IL1RAPL1: variants seen among roughly 807,000 people sequenced by gnomAD.
IL1RAPL1 encodes interleukin 1 receptor accessory protein like 1, also known as interleukin-1 receptor accessory protein-like 1.
Under a neutral mutation model 48.4 loss-of-function variants are expected in IL1RAPL1, and 3 were observed. The observed-to-expected ratio is 0.06, with a 90% CI of 0.03 to 0.16. The LOEUF (loss-of-function observed/expected upper bound fraction) is 0.16, where lower values mean the gene tolerates loss of function less well. Among genes scored for constraint, IL1RAPL1 ranks in the 10% least tolerant of loss-of-function variants. The pLI, the probability that IL1RAPL1 is intolerant of heterozygous loss-of-function variation, is 1.00. For missense variants in IL1RAPL1, 349 were observed against 530.6 expected (o/e 0.66, Z 3.36); for synonymous variants, 185 against 187.7 (o/e 0.99, Z 0.12).
intron 5 of IL1RAPL1, among the ~76,000 whole-genome samples, chrX:29,624,681 CA>C (rs760717696): frequency 0.046 from 3,733 of 81,847 alleles, 138 homozygotes; most frequent in African/African-American, 0.13. Flanking sequence ...ACAAAAAATA[CA>C]AAAAAAAAAA....
At chrX:28,978,874 A>C (rs752051546) in intron 2 of IL1RAPL1, among the ~76,000 whole-genome samples, 5 of 112,104 alleles carry the variant, frequency 4.5e-5, no homozygotes, top group Non-Finnish European at 9.4e-5. Context: ...AAGTGATGCC[A>C]CGAAGGGCAT....
chrX:29,232,881 C>T (rs1931226148), intron 2 of IL1RAPL1, among the ~76,000 whole-genome samples: 1 of 110,709 alleles, frequency 9.0e-6, no homozygotes, highest in Non-Finnish European at 1.9e-5. Flanking sequence ...TCACTGCAAC[C>T]TCCACCTCCT....
intron 5 of IL1RAPL1, among the ~76,000 whole-genome samples, chrX:29,453,496 C>T (rs1186354985): frequency 9.0e-6 from 1 of 111,226 alleles, no homozygotes; most frequent in Non-Finnish European, 1.9e-5. Context: ...AAGAGAACAG[C>T]CATTACCAAT....
intron 3 of IL1RAPL1, among the ~76,000 whole-genome samples, chrX:29,305,327 A>G (rs1003530388): frequency 2.7e-5 from 3 of 111,904 alleles, no homozygotes; most frequent in African/African-American, 9.7e-5. Context: ...GAGAAAATGT[A>G]ACTTTGTTAT....
At chrX:29,444,336 T>C (rs1934586129) in intron 5 of IL1RAPL1, among the ~76,000 whole-genome samples, 1 of 99,361 alleles carries the variant, frequency 1.0e-5, no homozygotes, top group African/African-American at 3.7e-5. Flanking sequence ...AGTAAGACTC[T>C]GTCTAAAAAA....
intron 6 of IL1RAPL1, among the ~76,000 whole-genome samples, chrX:29,858,773 G>GT (rs201512382): frequency 0.074 from 8,004 of 108,000 alleles, 815 homozygotes; most frequent in African/African-American, 0.26. Context: ...AGAGTGTTTT[G>GT]TTTTTTTTTA....
intron 2 of IL1RAPL1, among the ~76,000 whole-genome samples, chrX:28,891,640 G>T (rs749955713): frequency 8.9e-6 from 1 of 112,329 alleles, no homozygotes; most frequent in East Asian, 2.8e-4. Flanking sequence ...ATATACCGTT[G>T]TATGGATGCA....
intron 2 of IL1RAPL1, among the ~76,000 whole-genome samples, chrX:28,933,389 GTA>G (rs1923936614): frequency 9.0e-6 from 1 of 111,605 alleles, no homozygotes; most frequent in African/African-American, 3.3e-5. Flanking sequence ...AAAACACAGT[GTA>G]GAGTCACTGT....
At chrX:29,019,612 T>C (rs1271133894) in intron 2 of IL1RAPL1, among the ~76,000 whole-genome samples, 3 of 111,089 alleles carry the variant, frequency 2.7e-5, no homozygotes, top group Admixed American at 1.9e-4. Flanking sequence ...ATTGAGGTAG[T>C]TGGTGTTGAT....
intron 2 of IL1RAPL1, among the ~76,000 whole-genome samples, chrX:29,131,276 A>G (rs774864387): frequency 1.0e-3 from 108 of 107,656 alleles, no homozygotes; most frequent in South Asian, 6.9e-3. Flanking sequence ...GTGTGTGTGT[A>G]TATATATATA....
chrX:28,746,404 A>G (rs1001708960), intron 1 of IL1RAPL1, among the ~76,000 whole-genome samples: 12 of 111,924 alleles, frequency 1.1e-4, no homozygotes, highest in African/African-American at 3.9e-4. Flanking sequence ...TTGAAAATAT[A>G]AATAGTTTCA....
chrX:29,955,881 G>A lies in IL1RAPL1; in HGVS notation c.*61G>A. On this transcript the variant is annotated 3_prime_UTR_variant, in exon 11 of 11. Coordinates refer to ENST00000378993, the MANE Select transcript of IL1RAPL1 (RefSeq NM_014271.4). Reference sequence around the variant, plus strand: ...GAGTGGAATCTGCAGTCCAGTGCCTGGAACTAAATCCTCGACTGCTGCTGT... The same window carrying A: ...GAGTGGAATCTGCAGTCCAGTGCCTAGAACTAAATCCTCGACTGCTGCTGT... 1 of 888,945 alleles carries A rather than the reference G, an allele frequency of 1.1e-6. No homozygotes were observed. The highest frequency in any genetic ancestry group is 1.7e-6 in the Non-Finnish European group (1 of 603,849). 73.3% of individuals were successfully genotyped at this position (888,945 alleles called of 1,213,427 possible).
chrX:29,346,993 T>C (rs187890550), intron 3 of IL1RAPL1, among the ~76,000 whole-genome samples: 1 of 112,000 alleles, frequency 8.9e-6, no homozygotes. Context: ...GCATCAGTGA[T>C]AAATAACAGT....
At chrX:29,162,747 C>T (rs1189749185) in intron 2 of IL1RAPL1, among the ~76,000 whole-genome samples, 1 of 110,855 alleles carries the variant, frequency 9.0e-6, no homozygotes, top group Non-Finnish European at 1.9e-5. Context: ...ACTGTTATGT[C>T]TACCTTCAAG....
intron 1 of IL1RAPL1, among the ~76,000 whole-genome samples, chrX:28,654,078 A>G (rs762262750): frequency 9.0e-6 from 1 of 110,553 alleles, no homozygotes; most frequent in Non-Finnish European, 1.9e-5. Flanking sequence ...CTAAGCTACT[A>G]TGGGGCTAAG....
intron 5 of IL1RAPL1, among the ~76,000 whole-genome samples, chrX:29,571,893 A>G (rs934944896): frequency 1.2e-4 from 13 of 111,687 alleles, no homozygotes; most frequent in Non-Finnish European, 2.3e-4. Flanking sequence ...CTTTTTGTCC[A>G]TTAGTTTATT....
chrX:28,928,549 A>G (rs182083191), intron 2 of IL1RAPL1, among the ~76,000 whole-genome samples: 1 of 112,060 alleles, frequency 8.9e-6, no homozygotes, highest in Non-Finnish European at 1.9e-5. Context: ...ATCTCAGGCC[A>G]ACTCCTACAT....
chrX:29,332,583 G>A (rs1245156908), intron 3 of IL1RAPL1, among the ~76,000 whole-genome samples: 9 of 100,097 alleles, frequency 9.0e-5, no homozygotes, highest in African/African-American at 3.2e-4. Flanking sequence ...GGGAAATCAG[G>A]TAACATGGGA....
At chrX:29,570,019 T>A (rs746824301) in intron 5 of IL1RAPL1, among the ~76,000 whole-genome samples, 1 of 112,209 alleles carries the variant, frequency 8.9e-6, no homozygotes, top group African/African-American at 3.2e-5. Flanking sequence ...CGTGAAGGCA[T>A]TTCCAGTCTT....
Sources: gnomAD v4.1 joint callset for allele counts (sites outside exome capture counted in the v4.1 genomes callset) on GRCh38, gnomAD v4.1.1 for gene constraint, MANE v1.5 for transcripts, NCBI Gene and HGNC (gene_info 2026-07-23, HGNC 2026-07-21) for gene names.